Variants in PTPRO observed in about 807,000 individuals in gnomAD.
The protein encoded by PTPRO is protein tyrosine phosphatase receptor type O, also known as receptor-type tyrosine-protein phosphatase O.
In PTPRO, 62 loss-of-function variants were observed where a neutral mutation model predicts 145.2. The observed-to-expected ratio is 0.43, with a 90% CI of 0.35 to 0.53. PTPRO has a LOEUF of 0.53. Ranked by LOEUF, PTPRO falls within the 20% of genes least tolerant of loss-of-function variation. PTPRO has a pLI of 0.01. For missense variants in PTPRO, 1,345 were observed against 1,482.7 expected, an observed-to-expected ratio of 0.91 and a Z score of 1.53; for synonymous variants, 565 against 514.7, an observed-to-expected ratio of 1.10 and a Z score of -1.32.
chr12:15,567,159 A>G (rs576967930), intron 18 of PTPRO, among the ~76,000 whole-genome samples: 1 of 152,190 alleles, frequency 6.6e-6, no homozygotes, highest in Non-Finnish European at 1.5e-5. Flanking sequence ...CAAGCAAAAA[A>G]AAACTCACAT....
intron 3 of PTPRO, among the ~76,000 whole-genome samples, chr12:15,497,649 C>T (rs556871126): frequency 1.3e-5 from 2 of 152,322 alleles, no homozygotes; most frequent in East Asian, 1.9e-4. Context: ...TTGTCACTTA[C>T]ATGTTACTCT....
chr12:15,584,059 A>G (rs1944380490), intron 23 of PTPRO, among the ~76,000 whole-genome samples: 1 of 152,164 alleles, frequency 6.6e-6, no homozygotes, highest in South Asian at 2.1e-4. Flanking sequence ...GGACACCGTT[A>G]GCCCATTCCT....
At chr12:15,338,648 A>C (rs1866854927) in intron 1 of PTPRO, among the ~76,000 whole-genome samples, 1 of 152,166 alleles carries the variant, frequency 6.6e-6, no homozygotes, top group Non-Finnish European at 1.5e-5. Flanking sequence ...GGAAATTACC[A>C]CTGTAAGAGG....
chr12:15,512,250 G>A (rs1942456874), intron 7 of PTPRO, among the ~76,000 whole-genome samples: 1 of 152,082 alleles, frequency 6.6e-6, no homozygotes, highest in South Asian at 2.1e-4. Flanking sequence ...AAGGAGCTGG[G>A]ACTACAGAAG....
intron 1 of PTPRO, among the ~76,000 whole-genome samples, chr12:15,402,851 A>G (rs574007110): frequency 4.7e-4 from 72 of 152,308 alleles, no homozygotes; most frequent in African/African-American, 1.6e-3. Context: ...TAGTTTTAAA[A>G]TAAGAAGATT....
At chr12:15,550,049 T>C (rs964095869) in intron 14 of PTPRO, among the ~76,000 whole-genome samples, 1 of 152,178 alleles carries the variant, frequency 6.6e-6, no homozygotes, top group Non-Finnish European at 1.5e-5. Context: ...CAGTTGACGA[T>C]GAATAATGAG....
intron 1 of PTPRO, among the ~76,000 whole-genome samples, chr12:15,444,956 T>C (rs540761572): frequency 1.3e-5 from 2 of 152,268 alleles, no homozygotes; most frequent in Non-Finnish European, 2.9e-5. Flanking sequence ...ATTAGGACTT[T>C]TTGTCTCTCA....
Position 15,436,853 on chromosome 12 carries a change from C to T in PTPRO, c.76-47121C>T, listed in dbSNP as rs910236600. Among the ~76,000 whole-genome samples, 4 of 152,178 alleles carry T rather than the reference C, an allele frequency of 2.6e-5. No homozygotes were observed. The East Asian group carries it at 7.7e-4, about 29-fold the overall frequency. On this transcript the variant is annotated intron_variant, in intron 1 of 26. Transcript: ENST00000281171. ...CTCAGCAGTAGTCTCTGGAATTGTG[C>T]TCTCTCCCATCACAGGCAGGAGGAG...
intron 20 of PTPRO, among the ~76,000 whole-genome samples, chr12:15,579,456 G>A (rs905059819): frequency 3.9e-5 from 6 of 152,288 alleles, no homozygotes; most frequent in East Asian, 3.9e-4. Context: ...TCTGCTACAC[G>A]CTGTGGAGCT....
intron 1 of PTPRO, among the ~76,000 whole-genome samples, chr12:15,481,258 T>C (rs2136434241): frequency 6.6e-6 from 1 of 152,312 alleles, no homozygotes; most frequent in Non-Finnish European, 1.5e-5. Flanking sequence ...CAGAAGTACA[T>C]TGCTCAATGT....
At chr12:15,462,768 T>G (rs969312106) in intron 1 of PTPRO, among the ~76,000 whole-genome samples, 8 of 152,222 alleles carry the variant, frequency 5.3e-5, no homozygotes, top group African/African-American at 1.7e-4. Context: ...ATTCACTTAA[T>G]GTATGCTAGC....
chr12:15,393,548 C>G (rs1939249142), intron 1 of PTPRO, among the ~76,000 whole-genome samples: 1 of 152,060 alleles, frequency 6.6e-6, no homozygotes. Flanking sequence ...AATTCAGTAT[C>G]ATGTCAGGTC....
chr12:15,414,278 C>T (rs1286143959), intron 1 of PTPRO, among the ~76,000 whole-genome samples: 2 of 152,122 alleles, frequency 1.3e-5, no homozygotes, highest in Non-Finnish European at 2.9e-5. Context: ...ATGCAGATTT[C>T]GATTTATGTA....
At chr12:15,488,479 A>T (rs1941936341) in intron 2 of PTPRO, among the ~76,000 whole-genome samples, 1 of 152,198 alleles carries the variant, frequency 6.6e-6, no homozygotes, top group South Asian at 2.1e-4. Context: ...TCTGTCAGTT[A>T]ATGATGTGTT....
chr12:15,523,052 T>C (rs1387715485), intron 10 of PTPRO, among the ~76,000 whole-genome samples: 1 of 152,248 alleles, frequency 6.6e-6, no homozygotes, highest in Non-Finnish European at 1.5e-5. Flanking sequence ...AGATTTGTGT[T>C]ACTTGTTAGA....
intron 15 of PTPRO, among the ~76,000 whole-genome samples, chr12:15,556,305 A>G (rs945634343): frequency 5.3e-5 from 8 of 152,186 alleles, no homozygotes; most frequent in African/African-American, 1.9e-4. Flanking sequence ...GAACACCTTA[A>G]TAAGAACAGG....
chr12:15,407,048 A>G (rs574414884), intron 1 of PTPRO, among the ~76,000 whole-genome samples: 1 of 152,200 alleles, frequency 6.6e-6, no homozygotes, highest in Non-Finnish European at 1.5e-5. Context: ...GTTCTTTGCA[A>G]TATTTAATTC....
At chr12:15,541,014 A>T (rs1943169305) in intron 12 of PTPRO, among the ~76,000 whole-genome samples, 1 of 152,190 alleles carries the variant, frequency 6.6e-6, no homozygotes. Context: ...GGGTATTTAA[A>T]AGCAAACAAC....
At chr12:15,332,824 T>C (rs191621819) in intron 1 of PTPRO, among the ~76,000 whole-genome samples, 2 of 152,342 alleles carry the variant, frequency 1.3e-5, no homozygotes, top group Admixed American at 6.5e-5. Context: ...AGCATTCACA[T>C]GTTACTTCCA....
Sources: allele counts gnomAD v4.1 joint callset (sites outside exome capture counted in the v4.1 genomes callset), GRCh38; gene constraint gnomAD v4.1.1; transcripts MANE v1.5; gene names NCBI Gene and HGNC (gene_info 2026-07-23, HGNC 2026-07-21).